RBBP8: variants seen among roughly 807,000 people sequenced by gnomAD.
RBBP8 encodes the protein RB binding protein 8, endonuclease.
A neutral mutation model predicts 108.3 loss-of-function variants in RBBP8; 88 were observed. The ratio of observed to expected loss-of-function variants is 0.81; its 90% CI spans 0.68 to 0.97. The LOEUF (loss-of-function observed/expected upper bound fraction) is 0.97, where lower values mean the gene tolerates loss of function less well. Ranked by LOEUF, RBBP8 falls within the 50% of genes least tolerant of loss-of-function variation. The pLI, the probability that RBBP8 is intolerant of heterozygous loss-of-function variation, is 0.00. For synonymous variants in RBBP8, 332 were observed against 348.2 expected (o/e 0.95, Z 0.52); for missense variants, 1,023 against 1,049.0 (o/e 0.98, Z 0.34).
chr18:22,926,250 C>T (rs1287166169), intron 3 of RBBP8, among the ~76,000 whole-genome samples: 1 of 152,166 alleles, frequency 6.6e-6, no homozygotes, highest in Non-Finnish European at 1.5e-5. Flanking sequence ...TGGTGAAACC[C>T]TGTCTCTACT....
At chr18:22,965,244 A>G (rs573889814) in intron 4 of RBBP8, among the ~76,000 whole-genome samples, 4 of 151,828 alleles carry the variant, frequency 2.6e-5, no homozygotes, top group African/African-American at 7.2e-5. Context: ...CTTATAATTT[A>G]TAAGCATTTC....
At chr18:22,945,051 C>T (rs1911434982) in intron 2 of RBBP8, among the ~76,000 whole-genome samples, 1 of 151,158 alleles carries the variant, frequency 6.6e-6, no homozygotes, top group Non-Finnish European at 1.5e-5. Flanking sequence ...TTGATAGAAT[C>T]TGTGAACTAC....
At chr18:22,965,789 G>C (rs1913530129) in intron 4 of RBBP8, among the ~76,000 whole-genome samples, 4 of 152,102 alleles carry the variant, frequency 2.6e-5, no homozygotes, top group Admixed American at 1.3e-4. Flanking sequence ...TGAGCCTTTT[G>C]GGAATTTTAC....
At chr18:23,001,783 T>G in intron 15 of RBBP8, 54 bp downstream of exon 15, 2 of 1,592,778 alleles carry the variant, frequency 1.3e-6, no homozygotes, top group Non-Finnish European at 1.7e-6. Context: ...TTCAGTAAGT[T>G]AAGTTATCAA....
At chr18:22,997,931 T>C (rs1233381209) in intron 14 of RBBP8, among the ~76,000 whole-genome samples, 197 bp downstream of exon 14, 2 of 152,164 alleles carry the variant, frequency 1.3e-5, no homozygotes, top group Non-Finnish European at 2.9e-5. Flanking sequence ...CTAATTTCAT[T>C]TCAGAAAAGA....
intron 14 of RBBP8, among the ~76,000 whole-genome samples, chr18:22,999,112 AT>A (rs1275616275): frequency 6.6e-6 from 1 of 152,242 alleles, no homozygotes; most frequent in East Asian, 1.9e-4. Context: ...TGAAAGAGAA[AT>A]TAGCACTTGG....
chr18:22,968,939 T>A, intron 5 of RBBP8, 21 bp downstream of exon 5: 3 of 1,539,796 alleles, frequency 1.9e-6, no homozygotes, highest in Non-Finnish European at 2.7e-6. Flanking sequence ...TTTCTTCATT[T>A]ATTATTTAAA....
At chr18:22,938,756 T>C (rs1220750414) in intron 2 of RBBP8, among the ~76,000 whole-genome samples, 1 of 152,222 alleles carries the variant, frequency 6.6e-6, no homozygotes, top group South Asian at 2.1e-4. Flanking sequence ...TTGCAGGATA[T>C]AGACATAAAA....
intron 2 of RBBP8, among the ~76,000 whole-genome samples, chr18:22,941,309 C>CT (rs1911067108): frequency 6.6e-6 from 1 of 152,012 alleles, no homozygotes; most frequent in African/African-American, 2.4e-5. Flanking sequence ...GTAGCTGGGA[C>CT]TACAGGCACG....
chr18:22,962,846 G>A (rs1046010153), intron 4 of RBBP8, among the ~76,000 whole-genome samples: 18 of 151,860 alleles, frequency 1.2e-4, no homozygotes, highest in Admixed American at 1.1e-3. Flanking sequence ...AGTGATCCAC[G>A]TGCCTCAGCC....
intron 14 of RBBP8, among the ~76,000 whole-genome samples, chr18:22,999,288 T>G (rs1467587894): frequency 6.6e-6 from 1 of 152,206 alleles, no homozygotes; most frequent in Non-Finnish European, 1.5e-5. Flanking sequence ...GCTTGGCTGG[T>G]CAGTTCTGTT....
chr18:22,938,851 AGT>A (rs1159063121), intron 2 of RBBP8, among the ~76,000 whole-genome samples: 14 of 152,228 alleles, frequency 9.2e-5, no homozygotes, highest in Non-Finnish European at 7.3e-5. Flanking sequence ...CTGCAGTCTT[AGT>A]AGAGTCGTGT....
chr18:23,007,625 G>A (rs1023898100), intron 16 of RBBP8, among the ~76,000 whole-genome samples: 7 of 148,994 alleles, frequency 4.7e-5, no homozygotes, highest in Non-Finnish European at 8.9e-5. Context: ...GTGAACTCGG[G>A]AGGTGGAGCT....
At chr18:23,005,192 T>C (rs2046019802) in intron 15 of RBBP8, among the ~76,000 whole-genome samples, 1 of 151,740 alleles carries the variant, frequency 6.6e-6, no homozygotes, top group African/African-American at 2.4e-5. Context: ...AAAAGCTAAA[T>C]AGAAGGAATA....
intron 8 of RBBP8, among the ~76,000 whole-genome samples, chr18:22,987,719 G>C (rs1037193232): frequency 1.3e-5 from 2 of 152,188 alleles, no homozygotes; most frequent in African/African-American, 4.8e-5. Flanking sequence ...CTGCCAAAGT[G>C]TTGGGATTAC....
At chr18:23,022,045 T>C (rs2046353501) in intron 17 of RBBP8, 84 bp from the exon 18 acceptor site, 3 of 1,173,456 alleles carry the variant, frequency 2.6e-6, no homozygotes, top group South Asian at 2.5e-5. Flanking sequence ...TAAATGGCTT[T>C]TTTAGCTTCT....
At chr18:22,919,216 C>T (rs978347677) in intron 3 of RBBP8, among the ~76,000 whole-genome samples, 3 of 152,114 alleles carry the variant, frequency 2.0e-5, no homozygotes, top group Admixed American at 2.0e-4. Context: ...TTCAGAATAC[C>T]ACGACAAACA....
intron 17 of RBBP8, among the ~76,000 whole-genome samples, chr18:23,017,301 G>A (rs974277552): frequency 8.6e-5 from 13 of 151,072 alleles, no homozygotes. Context: ...GTTGCAGTGA[G>A]CCGAGATTGT....
intron 13 of RBBP8, 58 bp downstream of exon 13, chr18:22,996,520 C>A: frequency 6.3e-7 from 1 of 1,594,160 alleles, no homozygotes; most frequent in South Asian, 1.1e-5. Context: ...AGTTGTTAGT[C>A]AACCTCCTCT....
Sources: allele counts gnomAD v4.1 joint callset (sites outside exome capture counted in the v4.1 genomes callset), GRCh38; gene constraint gnomAD v4.1.1; transcripts MANE v1.5; gene names NCBI Gene and HGNC (gene_info 2026-07-23, HGNC 2026-07-21).